The following GDF5 variants were observed in gnomAD, a reference collection of about 807,000 sequenced individuals.
GDF5 encodes growth differentiation factor 5.
Under a neutral mutation model 34.6 loss-of-function variants are expected in GDF5, and 17 were observed. The observed-to-expected ratio is 0.49, with a 90% CI of 0.34 to 0.74. The LOEUF (loss-of-function observed/expected upper bound fraction) is 0.74. Ranked by LOEUF, GDF5 falls within the 30% of genes least tolerant of loss-of-function variation. The pLI is 0.01. For missense variants in GDF5, 616 were observed against 661.2 expected (o/e 0.93, Z 0.75); for synonymous variants, 332 against 290.7 (o/e 1.14, Z -1.44).
chr20:35,438,845 GTGTGTGTGTGTGTGTTTA>G (rs2062487148), upstream of GDF5, among the ~76,000 whole-genome samples: 3 of 24,554 alleles, frequency 1.2e-4, no homozygotes, highest in Non-Finnish European at 4.1e-4. Flanking sequence ...GTGTGTGTGT[GTGTGTGTGTGTGTGTTTA>G]TGTGCCTGTG....
At chr20:35,451,560 G>T (rs910660598) in intron 1 of GDF5, among the ~76,000 whole-genome samples, 37 of 144,912 alleles carry the variant, frequency 2.6e-4, no homozygotes, top group African/African-American at 9.2e-4. Context: ...TGCAGAATGC[G>T]TTTTTTTTCT....
chr20:35,449,312 G>A lies in GDF5; in HGVS notation c.-398+5328C>T, dbSNP rs1427468110. Among the ~76,000 whole-genome samples the A allele has an allele frequency of 2.6e-5, 4 of 151,224 alleles. No homozygotes were observed. In the East Asian group the frequency reaches 5.8e-4, roughly 22 times the overall value. On this transcript the variant is annotated intron_variant, in intron 1 of 3. Coordinates refer to the GDF5 transcript ENST00000374372. ...TTTTTTTGAGACAGGGTCTTGCTGT[G>A]TTGCCCAGGTTGGAGTGCAGTGGCT...
intron 1 of GDF5, among the ~76,000 whole-genome samples, chr20:35,436,874 C>T (rs770735847): frequency 2.5e-4 from 38 of 152,210 alleles, no homozygotes; most frequent in Non-Finnish European, 5.3e-4. Flanking sequence ...GGCAAAGTTG[C>T]AGAAGCATGG....
chr20:35,436,832 C>A (rs1366747842), intron 1 of GDF5, among the ~76,000 whole-genome samples: 1 of 152,178 alleles, frequency 6.6e-6, no homozygotes, highest in African/African-American at 2.4e-5. Context: ...ACTGTGTGCA[C>A]CTCTCTTGCC....
chr20:35,435,597 G>A (rs1480749971), intron 1 of GDF5: 3 of 151,510 alleles, frequency 2.0e-5, no homozygotes, highest in African/African-American at 7.3e-5. Context: ...AGACCTTGGT[G>A]CTCTTGTTAT....
chr20:35,442,364 C>T (rs931083043), upstream of GDF5, among the ~76,000 whole-genome samples: 3 of 151,472 alleles, frequency 2.0e-5, no homozygotes, highest in African/African-American at 7.3e-5. Flanking sequence ...CCAGGCTGGT[C>T]CCAACTCCTG....
chr20:35,434,946 T>C (rs1272478113), intron 1 of GDF5, 163 bp from the exon 2 acceptor site: 1 of 785,774 alleles, frequency 1.3e-6, no homozygotes, highest in African/African-American at 1.7e-5. Flanking sequence ...AGAGCCTTTT[T>C]GAAAATGAGA....
chr20:35,446,049 T>A (rs1396422672), intron 1 of GDF5, among the ~76,000 whole-genome samples: 1 of 151,842 alleles, frequency 6.6e-6, no homozygotes, highest in African/African-American at 2.4e-5. Flanking sequence ...GGCTCACACC[T>A]GTAATCCCAG....
rs1325562492 is a variant in GDF5, at chr20:35,438,117, T to C, written c.-189A>G. 1 of 653,018 alleles carries C rather than the reference T, an allele frequency of 1.5e-6. No individual in the cohort carries two copies. The highest frequency in any genetic ancestry group is 2.7e-6 in the Non-Finnish European group (1 of 371,662). The allele number at this position is 653,018 out of a possible 1,614,324, so 40.5% of individuals were successfully genotyped here. Reference sequence around the variant, plus strand: ...CTGCCGGGTGTGTGTTTGTATCCAGTCCCATAGTGGAAATGCTCTCGTATC... The same window carrying C: ...CTGCCGGGTGTGTGTTTGTATCCAGCCCCATAGTGGAAATGCTCTCGTATC... On this transcript the variant is annotated 5_prime_UTR_variant, in exon 1 of 2. Transcript: ENST00000374369.
At chr20:35,439,434 A>G (rs1188167508), upstream of GDF5, among the ~76,000 whole-genome samples, 2 of 151,938 alleles carry the variant, frequency 1.3e-5, no homozygotes, top group Non-Finnish European at 2.9e-5. Context: ...TCACCATGTT[A>G]GCCAGGATGG....
intron 1 of GDF5, among the ~76,000 whole-genome samples, chr20:35,449,477 A>G (rs1440890308): frequency 6.6e-6 from 1 of 152,146 alleles, no homozygotes; most frequent in African/African-American, 2.4e-5. Context: ...AACAAGTCAT[A>G]GTGGCCTGAT....
chr20:35,434,569 G>A lies in GDF5; in HGVS notation c.846C>T (p.Ser282=), dbSNP rs377280248. ...RQPAALLDVR[S]VPGLDGSGWE... is the part of the protein sequence containing the mutation. Reference sequence around the variant, plus strand: ...AGCCAGATCCGTCCAGGCCTGGCACGGAGCGCACATCCAGCAAGGCGGCCG... The same window carrying A: ...AGCCAGATCCGTCCAGGCCTGGCACAGAGCGCACATCCAGCAAGGCGGCCG... The change falls in exon 2 of 2, where the codon TCC becomes TCT. Residue 282 remains serine, a synonymous_variant. Coordinates refer to ENST00000374369, the MANE Select transcript of GDF5 (RefSeq NM_000557.5). 39 of 1,588,358 alleles carry A rather than the reference G, an allele frequency of 2.5e-5. No individual in the cohort carries two copies. Among genetic ancestry groups the A allele is most frequent in the Non-Finnish European group, 2.8e-5 (33 of 1,165,900 alleles).
At chr20:35,434,917 G>T (rs771918736) in intron 1 of GDF5, 134 bp from the exon 2 acceptor site, 1 of 944,146 alleles carries the variant, frequency 1.1e-6, no homozygotes, top group Admixed American at 1.7e-5. Context: ...TCTGACAGAA[G>T]CCAAGAGCCA....
Position 35,437,960 on chromosome 20 carries a change from G to C in GDF5, c.-32C>G. On this transcript the variant is annotated 5_prime_UTR_variant, in exon 1 of 2. Transcript: ENST00000374369. ...GCCAGCCGCTGAATGACACCAAAGA[G>C]AACAGCGGCAGCAGCGAAGGTGCCT... 6.2e-7 allele frequency: 1 copy of C among 1,613,158 alleles called. No homozygotes were observed. Among genetic ancestry groups the C allele is most frequent in the Non-Finnish European group, 8.5e-7 (1 of 1,179,560 alleles).
At position 35,434,210 on chromosome 20, in the gene GDF5, C is replaced by G; in HGVS notation, c.1205G>C (p.Arg402Pro). 1 of 1,614,208 alleles carries G rather than the reference C, an allele frequency of 6.2e-7. No homozygotes were observed. Among genetic ancestry groups the G allele is most frequent in the South Asian group, 1.1e-5 (1 of 91,078 alleles). ...CTTGAAGTTGACATGCAGTGCCTTC[C>G]GACTGCAGCGAGCCTTAAGGTTCTT... ...PSKNLKARCS[R>P]KALHVNFKDM... Residue 402 changes from arginine to proline, a missense_variant, in exon 2 of 2, where the codon CGG (arginine) becomes CCG (proline). Coordinates refer to ENST00000374369, the MANE Select transcript of GDF5 (RefSeq NM_000557.5).
chr20:35,440,391 G>C (rs962973239), upstream of GDF5, among the ~76,000 whole-genome samples: 1 of 151,542 alleles, frequency 6.6e-6, no homozygotes, highest in African/African-American at 2.4e-5. Context: ...GTCCTCTCTG[G>C]CATCCCTCCC....
At chr20:35,435,087 T>C (rs2062465744) in intron 1 of GDF5, 2 of 607,876 alleles carry the variant, frequency 3.3e-6, no homozygotes. Context: ...AACTGCCTTC[T>C]ACCTATCTCT....
chr20:35,447,056 A>T (rs224340), intron 1 of GDF5, among the ~76,000 whole-genome samples: 145,627 of 152,160 alleles, frequency 0.96, 69,735 homozygotes, highest in Non-Finnish European at 0.98. Context: ...ATGTTTTTTT[A>T]AAATTTTTTT....
intron 1 of GDF5, among the ~76,000 whole-genome samples, chr20:35,443,957 C>T (rs1004525626): frequency 6.6e-6 from 1 of 152,162 alleles, no homozygotes; most frequent in Non-Finnish European, 1.5e-5. Flanking sequence ...CTCCCGAGAT[C>T]TCTCCGGGAG....
Sources: gnomAD v4.1 joint callset for allele counts (sites outside exome capture counted in the v4.1 genomes callset) on GRCh38, gnomAD v4.1.1 for gene constraint, MANE v1.5 for transcripts, NCBI Gene and HGNC (gene_info 2026-07-23, HGNC 2026-07-21) for gene names.